CAMKK1: variants seen among roughly 807,000 people sequenced by gnomAD.
The protein encoded by CAMKK1 is calcium/calmodulin dependent protein kinase kinase 1.
Under a neutral mutation model 63.5 loss-of-function variants are expected in CAMKK1, and 20 were observed. The ratio of observed to expected loss-of-function variants is 0.32; its 90% confidence interval spans 0.22 to 0.46. The LOEUF (loss-of-function observed/expected upper bound fraction) is 0.46. CAMKK1 is among the 20% of genes least tolerant of loss of function. CAMKK1 has a pLI of 1.00. For synonymous variants in CAMKK1, 253 were observed against 269.0 expected (o/e 0.94, Z 0.58); for missense variants, 588 against 658.1 (o/e 0.89, Z 1.17).
At chr17:3,880,218 T>C in intron 9 of CAMKK1, 128 bp downstream of exon 9, 5 of 590,656 alleles carry the variant, frequency 8.5e-6, no homozygotes, top group East Asian at 4.3e-5. Context: ...CATGCCCCAC[T>C]CCCACTGAAG....
In CAMKK1 at chr17:3,882,336, A is replaced by C; in HGVS notation, c.685+192T>G. 2 of 1,613,696 alleles carry C rather than the reference A, an allele frequency of 1.2e-6. No individual in the cohort carries two copies. Among genetic ancestry groups the C allele is most frequent in the Non-Finnish European group, 8.5e-7 (1 of 1,179,868 alleles). On this transcript the variant is annotated intron_variant, in intron 7 of 15. Coordinates refer to ENST00000348335, the MANE Select transcript of CAMKK1 (RefSeq NM_032294.3). The surrounding 1 kb of genome is among the most constrained non-coding windows in gnomAD (Gnocchi z 4.3). ...AGTGGGGCTTGGCGATATTTGTTGA[A>C]TCTAACTGGATATTCTGGGCCTGGT...
Position 3,871,577 on chromosome 17 carries a change from C to T in CAMKK1, c.1124+977G>A, listed in dbSNP as rs142919881. On this transcript the variant is annotated intron_variant, in intron 12 of 15. Coordinates refer to ENST00000348335, the MANE Select transcript of CAMKK1 (RefSeq NM_032294.3). Reference sequence around the variant, plus strand: ...TTCACCGTGTTAGCCAGGATGGTCTCGATCTCCTGACCTCGTGATCCGCCC... The same window carrying T: ...TTCACCGTGTTAGCCAGGATGGTCTTGATCTCCTGACCTCGTGATCCGCCC... Among the ~76,000 whole-genome samples, 97 of 149,294 alleles carry T rather than the reference C, an allele frequency of 6.5e-4. 2 individuals are homozygous for T. Among genetic ancestry groups the T allele is most frequent in the African/African-American group, 2.1e-3 (85 of 39,862 alleles).
At chr17:3,867,201 C>T (rs1184544047) in intron 14 of CAMKK1, among the ~76,000 whole-genome samples, 1 of 152,164 alleles carries the variant, frequency 6.6e-6, no homozygotes, top group Non-Finnish European at 1.5e-5. Context: ...TAGGAGGGGA[C>T]CCTGGCGTAA....
At chr17:3,880,186 G>T in intron 9 of CAMKK1, 160 bp downstream of exon 9, 3 of 628,654 alleles carry the variant, frequency 4.8e-6, no homozygotes, top group Admixed American at 5.4e-5. Context: ...CCACAAAAAG[G>T]CCTTTGGCCC....
chr17:3,866,100 G>A, intron 14 of CAMKK1, 89 bp from the exon 15 acceptor site: 2 of 1,503,392 alleles, frequency 1.3e-6, no homozygotes, highest in Non-Finnish European at 1.8e-6. Context: ...CAGCTGCCAA[G>A]GGGGCCGCAG....
rs935476478 is a variant in CAMKK1 at position 3,887,851 on chromosome 17, C to T, written c.-43-2121G>A. Among the ~76,000 whole-genome samples, 13 of 152,308 alleles carry T rather than the reference C, an allele frequency of 8.5e-5. No individual in the cohort carries two copies. In the East Asian group the frequency reaches 2.1e-3, roughly 25 times the overall value. On this transcript the variant is annotated intron_variant, in intron 1 of 15. Coordinates refer to ENST00000348335, the MANE Select transcript of CAMKK1 (RefSeq NM_032294.3). The surrounding 1 kb of genome is among the most constrained non-coding windows in gnomAD (Gnocchi z 6.1). ...CCAGGACCCGCCAGGCTCCTCCCAGCAGGTGGCCCACCCCTCCGCCCCTTC... is the reference window on the plus strand; with the variant it reads ...CCAGGACCCGCCAGGCTCCTCCCAGTAGGTGGCCCACCCCTCCGCCCCTTC...
chr17:3,877,077 G>C (rs1169625515), intron 9 of CAMKK1, among the ~76,000 whole-genome samples: 2 of 152,116 alleles, frequency 1.3e-5, no homozygotes, highest in East Asian at 3.9e-4. Flanking sequence ...GTTCTTCCTA[G>C]GCTAGCTCTG....
At chr17:3,865,793 C>A in intron 15 of CAMKK1, 115 bp downstream of exon 15, 1 of 1,520,696 alleles carries the variant, frequency 6.6e-7, no homozygotes, top group Non-Finnish European at 8.8e-7. Flanking sequence ...GAGACCTGGC[C>A]AAGTCCCCAG....
Position 3,870,521 on chromosome 17 carries a change from G to T in CAMKK1, c.1125-633C>A, listed in dbSNP as rs555031667. On this transcript the variant is annotated intron_variant, in intron 12 of 15. Transcript: ENST00000348335. Reference sequence around the variant, plus strand: ...GCTGGGACTACAGGTGCCCGCCACCGTGCCCGGCTAATTTTTTGTATTTTT... The same window carrying T: ...GCTGGGACTACAGGTGCCCGCCACCTTGCCCGGCTAATTTTTTGTATTTTT... 2.0e-3 allele frequency among the ~76,000 whole-genome samples: 309 copies of T among 152,034 alleles called. 2 individuals are homozygous for T. Among genetic ancestry groups the T allele is most frequent in the African/African-American group, 7.1e-3 (296 of 41,498 alleles).
At position 3,883,102 on chromosome 17, in the gene CAMKK1, C is replaced by A. The variant is rs759042743; in HGVS notation, c.588G>T (p.Val196=). 17 of 1,613,818 alleles carry A rather than the reference C, an allele frequency of 1.1e-5. No individual in the cohort carries two copies. The highest frequency in any genetic ancestry group is 1.4e-5 in the Non-Finnish European group (16 of 1,179,998). The stretch of plus-strand genomic sequence containing the variant: ...TCTTCAGGATGGCAATCTCCTGGTA[C>A]ACCCGCTCCAGGGGCAGCAGCTGCT... ...PAKQLLPLER[V]YQEIAILKKL... The change falls in exon 6 of 16, where the codon GTG becomes GTT. Residue 196 remains valine (V), a synonymous_variant. Coordinates refer to ENST00000348335, the MANE Select transcript of CAMKK1 (RefSeq NM_032294.3). This position sits in a 1 kb window ranked among gnomAD's most constrained non-coding sequence, Gnocchi z 4.7.
Position 3,883,456 on chromosome 17 carries a change from T to G in CAMKK1, c.487A>C (p.Lys163Gln), listed in dbSNP as rs1309336393. Residue 163 changes from lysine to glutamine, a missense_variant, in exon 5 of 16, where the codon AAG becomes CAG. Lys to Gln is a moderately conservative substitution (Grantham distance 53). Coordinates refer to ENST00000348335, the MANE Select transcript of CAMKK1 (RefSeq NM_032294.3). This position sits in a 1 kb window ranked among gnomAD's most constrained non-coding sequence, Gnocchi z 4.7. ...HYAMKVLSKK[K>Q]LLKQYGFPRR... is the part of the protein sequence containing the mutation. ...GGAAAGCCATACTGCTTCAGTAACT[T>G]CTTTTTGGAAAGGACTTTCATTGCC... is the stretch of plus-strand genomic sequence containing the variant. 6.2e-7 allele frequency: 1 copy of G among 1,613,942 alleles called. No homozygotes were observed. Among genetic ancestry groups the G allele is most frequent in the African/African-American group, 1.3e-5 (1 of 75,024 alleles).
chr17:3,891,109 T>TGGG lies in CAMKK1; in HGVS notation c.-44+1827_-44+1829dup, dbSNP rs3048767. On this transcript the variant is annotated intron_variant, in intron 1 of 15. Coordinates refer to ENST00000348335, the MANE Select transcript of CAMKK1 (RefSeq NM_032294.3). ...AGTGGCCTCAGACTGGGGGCAAGGT[T>TGGG]GGGGGGGGGGTCACAGGCTAGGGAG... 3.1e-3 allele frequency among the ~76,000 whole-genome samples: 411 copies of TGGG among 133,286 alleles called. 5 individuals carry two copies. The highest frequency in any genetic ancestry group is 0.015 in the South Asian group (59 of 3,864). 87.4% of individuals were successfully genotyped at this position (133,286 alleles called of 152,430 possible). A position where few individuals can be genotyped will look rare whatever the true frequency, so the allele number is the denominator to read the frequency against.
At position 3,890,662 on chromosome 17, in the gene CAMKK1, C is replaced by T. The variant is rs1330876558; in HGVS notation, c.-44+2277G>A. 5 of 779,724 alleles carry T rather than the reference C, an allele frequency of 6.4e-6. No homozygotes were observed. In the East Asian group the frequency reaches 1.2e-4, roughly 19 times the overall value. The allele number at this position is 779,724 out of a possible 1,614,324, so 48.3% of individuals were successfully genotyped here. On this transcript the variant is annotated intron_variant, in intron 1 of 15. Coordinates refer to ENST00000348335, the MANE Select transcript of CAMKK1 (RefSeq NM_032294.3). The surrounding 1 kb of genome is among the most constrained non-coding windows in gnomAD (Gnocchi z 6.5). ...TTGTCACTCGTCCTTTCCCTGTTGC[C>T]CACCCTTGCTCCCCACAACCCCACA... is the stretch of plus-strand genomic sequence containing the variant.
chr17:3,882,316 G>A lies in CAMKK1; in HGVS notation c.685+212C>T, dbSNP rs2055443482. 2 of 1,614,000 alleles carry A rather than the reference G, an allele frequency of 1.2e-6. No individual in the cohort carries two copies. The highest frequency in any genetic ancestry group is 8.5e-7 in the Non-Finnish European group (1 of 1,180,032). Reference sequence around the variant, plus strand: ...CTGCTCAGAGGGAAGCAGGGAGTGGGGCTTGGCGATATTTGTTGAATCTAA... The same window carrying A: ...CTGCTCAGAGGGAAGCAGGGAGTGGAGCTTGGCGATATTTGTTGAATCTAA... On this transcript the variant is annotated intron_variant, in intron 7 of 15. Coordinates refer to ENST00000348335, the MANE Select transcript of CAMKK1 (RefSeq NM_032294.3). The surrounding 1 kb of genome is among the most constrained non-coding windows in gnomAD (Gnocchi z 4.3).
chr17:3,881,902 G>A lies in CAMKK1; in HGVS notation c.686-254C>T. The A allele has an allele frequency of 7.3e-6, 4 of 551,040 alleles. No homozygotes were observed. The South Asian group carries it at 9.5e-5, about 13-fold the overall frequency. 34.1% of individuals were successfully genotyped at this position (551,040 alleles called of 1,614,324 possible). ...AGCATGGGGCCCTTTTACAGAGGGG[G>A]AAACTGAGGCACAGAGAAGGGGCAG... On this transcript the variant is annotated intron_variant, in intron 7 of 15. Coordinates refer to ENST00000348335, the MANE Select transcript of CAMKK1 (RefSeq NM_032294.3).
In CAMKK1 at chr17:3,883,451, T is replaced by C; in HGVS notation, c.492A>G (p.Leu164=). The C allele has an allele frequency of 6.2e-7, 1 of 1,613,910 alleles. No individual in the cohort carries two copies. The highest frequency in any genetic ancestry group is 8.5e-7 in the Non-Finnish European group (1 of 1,179,808). Residue 164 remains leucine (L), a synonymous_variant, in exon 5 of 16, where the codon TTA becomes TTG. Coordinates refer to ENST00000348335, the MANE Select transcript of CAMKK1 (RefSeq NM_032294.3). This position sits in a 1 kb window ranked among gnomAD's most constrained non-coding sequence, Gnocchi z 4.7. Reference sequence around the variant, plus strand: ...TACGTGGAAAGCCATACTGCTTCAGTAACTTCTTTTTGGAAAGGACTTTCA... The same window carrying C: ...TACGTGGAAAGCCATACTGCTTCAGCAACTTCTTTTTGGAAAGGACTTTCA... ...YAMKVLSKKK[L]LKQYGFPRRP...
intron 1 of CAMKK1, among the ~76,000 whole-genome samples, chr17:3,888,516 G>T (rs1170361112): frequency 6.6e-6 from 1 of 152,222 alleles, no homozygotes; most frequent in Non-Finnish European, 1.5e-5. Context: ...GCAAGATGGG[G>T]TTCTAGCGGG....
intron 14 of CAMKK1, among the ~76,000 whole-genome samples, chr17:3,868,296 G>C (rs1010727774): frequency 1.3e-5 from 2 of 150,256 alleles, no homozygotes; most frequent in African/African-American, 4.9e-5. Flanking sequence ...TGGGCACGGG[G>C]GAGATGCAGG....
rs2054504342 is a variant in CAMKK1, at chr17:3,865,980, G to A, written c.1373C>T (p.Ser458Phe). Residue 458 changes from serine to phenylalanine, a missense_variant, in exon 15 of 16, where the codon TCC becomes TTC. Physicochemically the swap from Ser to Phe is radical, Grantham distance 155. Coordinates refer to ENST00000348335, the MANE Select transcript of CAMKK1 (RefSeq NM_032294.3). ...TTGGGGCTCAAACGGGTTCCCAAAG[G>A]AACGCTTCCTCAGCATGGACTTCAC... is the stretch of plus-strand genomic sequence containing the variant. ...ILVKSMLRKR[S>F]FGNPFEPQAR... 3.7e-6 allele frequency: 6 copies of A among 1,614,176 alleles called. No individual in the cohort carries two copies. Among genetic ancestry groups the A allele is most frequent in the Non-Finnish European group, 4.2e-6 (5 of 1,180,032 alleles).
Sources: allele counts gnomAD v4.1 joint callset (sites outside exome capture counted in the v4.1 genomes callset), GRCh38; gene constraint gnomAD v4.1.1; non-coding constraint Gnocchi (gnomAD v3.1); transcripts MANE v1.5; gene names NCBI Gene and HGNC (gene_info 2026-07-23, HGNC 2026-07-21).